Variants in SLC17A2 observed in about 807,000 individuals in gnomAD.
SLC17A2 encodes sodium-dependent phosphate transport protein 3.
A neutral mutation model predicts 52.1 loss-of-function variants in SLC17A2; 38 were observed. The ratio of observed to expected loss-of-function variants is 0.73; its 90% confidence interval spans 0.56 to 0.96. The LOEUF (loss-of-function observed/expected upper bound fraction) is 0.96, where lower values mean the gene tolerates loss of function less well. Ranked by LOEUF, SLC17A2 falls within the 40% of genes least tolerant of loss-of-function variation. The pLI, the probability that SLC17A2 is intolerant of heterozygous loss-of-function variation, is 0.00. For missense variants in SLC17A2, 508 were observed against 583.9 expected (o/e 0.87, Z 1.34); for synonymous variants, 226 against 211.9 (o/e 1.07, Z -0.58).
chr6:25,918,872 C>G (rs879345700), intron 5 of SLC17A2, among the ~76,000 whole-genome samples: 1 of 152,196 alleles, frequency 6.6e-6, no homozygotes, highest in Non-Finnish European at 1.5e-5. Flanking sequence ...TTAGCATTTT[C>G]TTGTGATTAC....
At chr6:25,913,580 T>G (rs146244719) in intron 11 of SLC17A2, 129 bp from the exon 12 acceptor site, 1 of 848,554 alleles carries the variant, frequency 1.2e-6, no homozygotes, top group African/African-American at 1.7e-5. Flanking sequence ...AGTAGTTACT[T>G]AAGAAAGTTT....
chr6:25,923,850 A>C lies in SLC17A2; in HGVS notation c.85T>G (p.Phe29Val). Residue 29 changes from phenylalanine (F) to valine (V), a missense_variant, in exon 3 of 12, where the codon TTC becomes GTC. Transcript: ENST00000377850. ...GLALIMHFSN[F>V]TMITQRVSLS... Reference sequence around the variant, plus strand: ...CTCACACGCTGCGTTATCATGGTGAAGTTTGAGAAGTGCATGATAAGAGCC... The same window carrying C: ...CTCACACGCTGCGTTATCATGGTGACGTTTGAGAAGTGCATGATAAGAGCC... 6.2e-7 allele frequency: 1 copy of C among 1,614,234 alleles called. No homozygotes were observed. Among genetic ancestry groups the C allele is most frequent in the Non-Finnish European group, 8.5e-7 (1 of 1,180,046 alleles).
rs1766918383 is a variant in SLC17A2 at position 25,930,664 on chromosome 6, C to T, written c.-471G>A. 6.6e-6 allele frequency: 1 copy of T among 152,190 alleles called. No individual in the cohort carries two copies. Among genetic ancestry groups the T allele is most frequent in the South Asian group, 2.1e-4 (1 of 4,828 alleles). The allele number at this position is 152,190 out of a possible 1,614,324, so 9.4% of individuals were successfully genotyped here. On this transcript the variant is annotated 5_prime_UTR_variant, in exon 1 of 12. Coordinates refer to ENST00000377850, the MANE Select transcript of SLC17A2 (RefSeq NM_001286123.3). ...ATTTTTACAGGGATAAATAGTGAGC[C>T]ACGTGGCAGTCAGACGGCAACAGGT...
intron 3 of SLC17A2, among the ~76,000 whole-genome samples, chr6:25,923,350 A>G (rs1475985380): frequency 6.6e-6 from 1 of 152,194 alleles, no homozygotes; most frequent in African/African-American, 2.4e-5. Context: ...GGGATATAAA[A>G]TTGCTCAGAA....
chr6:25,917,658 G>A (rs539314616), intron 6 of SLC17A2, among the ~76,000 whole-genome samples: 2 of 152,300 alleles, frequency 1.3e-5, no homozygotes, highest in African/African-American at 4.8e-5. Flanking sequence ...AAGCCATTCA[G>A]GCCAGGACTA....
intron 3 of SLC17A2, 46 bp from the exon 4 acceptor site, chr6:25,921,458 A>G: frequency 7.2e-7 from 1 of 1,385,862 alleles, no homozygotes; most frequent in Non-Finnish European, 1.0e-6. Flanking sequence ...TCCTATTATG[A>G]AAATCTACTT....
intron 2 of SLC17A2, 134 bp downstream of exon 2, chr6:25,925,634 CA>C: frequency 1.2e-6 from 1 of 838,676 alleles, no homozygotes; most frequent in Non-Finnish European, 2.1e-6. Context: ...GCAACAGGAT[CA>C]GGGGCTGGAG....
rs922404175 is a variant in SLC17A2, at chr6:25,917,010, C to T, written c.727G>A (p.Val243Ile). The T allele has an allele frequency of 1.2e-6, 2 of 1,614,058 alleles. No homozygotes were observed. The highest frequency in any genetic ancestry group is 2.7e-5 in the African/African-American group (2 of 74,928). Residue 243 changes from valine (V) to isoleucine (I), a missense_variant, in exon 7 of 12, where the codon GTT (valine) becomes ATT (isoleucine). By Grantham distance (29) the Val-to-Ile change is conservative. Transcript: ENST00000377850. ...GACAGGATGTGCTCCTTTTCCCTAA[C>T]ACTTATGCACGGGTGATGCATGGGG... The part of the protein sequence containing the change: ...DDPMHHPCIS[V>I]REKEHILSSL...
At chr6:25,921,466 CT>C in intron 3 of SLC17A2, 54 bp from the exon 4 acceptor site, 1 of 1,321,132 alleles carries the variant, frequency 7.6e-7, no homozygotes, top group Non-Finnish European at 1.1e-6. Flanking sequence ...TGAAAATCTA[CT>C]TTACAGTCAG....
Position 25,915,645 on chromosome 6 carries a change from C to T in SLC17A2, c.1065G>A (p.Gly355=). The T allele has an allele frequency of 1.9e-6, 3 of 1,613,568 alleles. No homozygotes were observed. The highest frequency in any genetic ancestry group is 2.2e-5 in the South Asian group (2 of 91,002). The change falls in exon 10 of 12, where the codon GGG becomes GGA. Residue 355 remains glycine, a splice_region_variant and synonymous_variant. Transcript: ENST00000377850. ...ITVRKLFSSL[G]LLLPSICAVA... ...CAGCACATATTGATGGAAGGAGGAG[C>T]CCTGGGCAATGAGGACATGCTGTCA... is the stretch of plus-strand genomic sequence containing the variant.
chr6:25,923,868 T>A lies in SLC17A2; in HGVS notation c.67A>T (p.Ile23Phe). The A allele has an allele frequency of 6.2e-7, 1 of 1,614,202 alleles. No homozygotes were observed. Among genetic ancestry groups the A allele is most frequent in the Non-Finnish European group, 8.5e-7 (1 of 1,180,044 alleles). ...ATGGTGAAGTTTGAGAAGTGCATGA[T>A]AAGAGCCAGCCCATAGCGTAATGAA... ...FCSLRYGLALIMHFSNFTMIT... is the reference protein window; with the variant it reads ...FCSLRYGLALFMHFSNFTMIT... The change falls in exon 3 of 12, where the codon ATC (isoleucine) becomes TTC (phenylalanine). Residue 23 changes from isoleucine (I) to phenylalanine (F), a missense_variant. Physicochemically the swap from Ile to Phe is conservative, Grantham distance 21. Coordinates refer to ENST00000377850, the MANE Select transcript of SLC17A2 (RefSeq NM_001286123.3).
intron 2 of SLC17A2, among the ~76,000 whole-genome samples, chr6:25,925,427 C>A (rs1766724357): frequency 6.6e-6 from 1 of 150,710 alleles, no homozygotes; most frequent in Admixed American, 6.6e-5. Flanking sequence ...GCAGGAGAAT[C>A]ACTTGAACCC....
chr6:25,926,922 C>T (rs891828208), intron 1 of SLC17A2, among the ~76,000 whole-genome samples: 4 of 152,134 alleles, frequency 2.6e-5, no homozygotes, highest in African/African-American at 9.6e-5. Context: ...CAAAAACAGC[C>T]GGGTGTGGTG....
chr6:25,928,551 C>T (rs1004851708), intron 1 of SLC17A2, among the ~76,000 whole-genome samples: 1 of 152,144 alleles, frequency 6.6e-6, no homozygotes, highest in Admixed American at 6.5e-5. Context: ...TCAAATGCTA[C>T]TTTGATTTTG....
intron 1 of SLC17A2, among the ~76,000 whole-genome samples, chr6:25,927,814 G>A (rs1205082746): frequency 1.3e-5 from 2 of 152,120 alleles, no homozygotes; most frequent in Non-Finnish European, 2.9e-5. Context: ...ACTGGTTGTT[G>A]CTCTGCCTTA....
chr6:25,916,952 C>A lies in SLC17A2; in HGVS notation c.768+17G>T. ...GAGACCTCTGCATGGGCCACAGGTA[C>A]AAGGTGTGCACTGTACCTGTTGAGC... On this transcript the variant is annotated intron_variant, in intron 7 of 11. Transcript: ENST00000377850. 6.2e-7 allele frequency: 1 copy of A among 1,606,512 alleles called. No individual in the cohort carries two copies. Among genetic ancestry groups the A allele is most frequent in the African/African-American group, 1.3e-5 (1 of 74,946 alleles).
At chr6:25,917,350 T>C (rs1178179205) in intron 6 of SLC17A2, among the ~76,000 whole-genome samples, 1 of 152,246 alleles carries the variant, frequency 6.6e-6, no homozygotes, top group Non-Finnish European at 1.5e-5. Flanking sequence ...ATTGCATAGC[T>C]GATTAATTAC....
intron 3 of SLC17A2, among the ~76,000 whole-genome samples, chr6:25,922,401 A>G (rs1766594159): frequency 6.6e-6 from 1 of 152,252 alleles, no homozygotes; most frequent in Non-Finnish European, 1.5e-5. Flanking sequence ...GAAGAAACTA[A>G]CAGGGACTCT....
chr6:25,914,553 T>G, intron 11 of SLC17A2, 27 bp downstream of exon 11: 1 of 1,434,142 alleles, frequency 7.0e-7, no homozygotes, highest in Non-Finnish European at 9.8e-7. Flanking sequence ...ACCTGCCACT[T>G]GAAGATGTTC....
Sources: allele counts gnomAD v4.1 joint callset (sites outside exome capture counted in the v4.1 genomes callset), GRCh38; gene constraint gnomAD v4.1.1; transcripts MANE v1.5; gene names NCBI Gene and HGNC (gene_info 2026-07-23, HGNC 2026-07-21).